METTL24: variants seen among roughly 807,000 people sequenced by gnomAD.
METTL24 encodes the protein methyltransferase like 24.
In METTL24, 29 loss-of-function variants were observed where a neutral mutation model predicts 32.7. The observed-to-expected ratio is 0.89, with a 90% confidence interval of 0.66 to 1.21. METTL24 has a LOEUF of 1.21. Among genes scored for constraint, METTL24 ranks in the 50% most tolerant of loss-of-function variants. The pLI, the probability that METTL24 is intolerant of heterozygous loss-of-function variation, is 0.00. For missense variants in METTL24, 439 were observed against 468.1 expected, an observed-to-expected ratio of 0.94 and a Z score of 0.57; for synonymous variants, 163 against 179.5, an observed-to-expected ratio of 0.91 and a Z score of 0.73.
intron 4 of METTL24, among the ~76,000 whole-genome samples, chr6:110,282,704 T>C (rs1396494307): frequency 1.3e-5 from 2 of 152,096 alleles, no homozygotes; most frequent in African/African-American, 4.8e-5. Context: ...ACCAGAGTAA[T>C]TATAAGAAAC....
At chr6:110,286,491 G>A (rs73763010) in intron 4 of METTL24, among the ~76,000 whole-genome samples, 2 of 152,134 alleles carry the variant, frequency 1.3e-5, no homozygotes, top group East Asian at 3.9e-4. Context: ...TACTGTTTTG[G>A]TTTGTTGTCC....
chr6:110,351,903 C>T (rs1054434229), intron 1 of METTL24, among the ~76,000 whole-genome samples: 7 of 152,306 alleles, frequency 4.6e-5, no homozygotes, highest in African/African-American at 1.7e-4. Flanking sequence ...ATTAACTCTT[C>T]CTCCAATTCA....
At position 110,259,966 on chromosome 6, in the gene METTL24, C is replaced by T. The variant is rs377556386; in HGVS notation, c.787-13706G>A. On this transcript the variant is annotated intron_variant, in intron 4 of 4. Coordinates refer to ENST00000338882, the MANE Select transcript of METTL24 (RefSeq NM_001123364.3). ...CATCCACACCAAAACCCCATCTGTA[C>T]GTCACCATCATCAAAGACCAAAGGT... Among the ~76,000 whole-genome samples, 268 of 152,226 alleles carry T rather than the reference C, an allele frequency of 1.8e-3. 3 individuals carry two copies. Among genetic ancestry groups the T allele is most frequent in the African/African-American group, 5.5e-3 (228 of 41,534 alleles).
intron 4 of METTL24, among the ~76,000 whole-genome samples, chr6:110,259,858 C>G (rs1005154394): frequency 1.3e-5 from 2 of 152,204 alleles, no homozygotes; most frequent in African/African-American, 4.8e-5. Flanking sequence ...CAAACAGGGT[C>G]TGGAGTAGAC....
At chr6:110,333,791 G>A (rs1772155448) in intron 1 of METTL24, among the ~76,000 whole-genome samples, 1 of 152,152 alleles carries the variant, frequency 6.6e-6, no homozygotes, top group Non-Finnish European at 1.5e-5. Context: ...ATACAGCACT[G>A]AGTTGATTTA....
chr6:110,271,476 C>A (rs148315570), intron 4 of METTL24, among the ~76,000 whole-genome samples: 119 of 152,066 alleles, frequency 7.8e-4, no homozygotes, highest in African/African-American at 2.6e-3. Context: ...TAATTAAGAG[C>A]ATACATTTTC....
At chr6:110,293,858 T>A (rs1185843466) in intron 4 of METTL24, among the ~76,000 whole-genome samples, 1 of 151,948 alleles carries the variant, frequency 6.6e-6, no homozygotes, top group Non-Finnish European at 1.5e-5. Flanking sequence ...TGTGAATCTA[T>A]CTCAAAATGT....
intron 4 of METTL24, among the ~76,000 whole-genome samples, chr6:110,294,273 T>G (rs931438396): frequency 3.3e-5 from 5 of 152,026 alleles, no homozygotes; most frequent in Non-Finnish European, 7.4e-5. Flanking sequence ...CATTTGAAAT[T>G]TTTTGAAAAT....
intron 1 of METTL24, among the ~76,000 whole-genome samples, chr6:110,345,369 G>A (rs573940608): frequency 2.6e-5 from 4 of 152,296 alleles, no homozygotes; most frequent in South Asian, 2.1e-4. Flanking sequence ...GCAGTGTGGC[G>A]ATTCCTCAAA....
intron 2 of METTL24, among the ~76,000 whole-genome samples, chr6:110,316,703 C>G (rs1169015214): frequency 2.0e-5 from 3 of 152,174 alleles, no homozygotes; most frequent in African/African-American, 7.2e-5. Flanking sequence ...CGAGACCAGT[C>G]TGGGCAACAT....
chr6:110,246,193 T>C lies in METTL24; in HGVS notation c.854A>G (p.Asp285Gly), dbSNP rs1487486730. 2.5e-6 allele frequency: 4 copies of C among 1,613,990 alleles called. No homozygotes were observed. Among genetic ancestry groups the C allele is most frequent in the Non-Finnish European group, 3.4e-6 (4 of 1,180,014 alleles). Residue 285 changes from aspartate to glycine, a missense_variant, in exon 5 of 5, where the codon GAT becomes GGT. By Grantham distance (94) the Asp-to-Gly change is moderately conservative. Transcript: ENST00000338882. ...WKVLENLILE[D>G]VLEQIGQLIF... is the part of the protein sequence containing the mutation. ...GAGCTGTCCAATCTGCTCAAGAACATCTTCCAGAATAAGATTTTCCAAAAC... is the reference window on the plus strand; with the variant it reads ...GAGCTGTCCAATCTGCTCAAGAACACCTTCCAGAATAAGATTTTCCAAAAC...
intron 4 of METTL24, among the ~76,000 whole-genome samples, chr6:110,259,847 G>A (rs1432671226): frequency 1.3e-5 from 2 of 152,152 alleles, no homozygotes; most frequent in African/African-American, 4.8e-5. Context: ...GGATACCCAG[G>A]CAAACAGGGT....
At chr6:110,270,590 G>C (rs373691484) in intron 4 of METTL24, among the ~76,000 whole-genome samples, 10 of 152,208 alleles carry the variant, frequency 6.6e-5, no homozygotes, top group African/African-American at 2.4e-4. Flanking sequence ...TAGTTACATA[G>C]AATGAGAATT....
intron 2 of METTL24, 89 bp downstream of exon 2, chr6:110,322,685 G>T (rs1005278967): frequency 9.3e-7 from 1 of 1,076,936 alleles, no homozygotes; most frequent in Non-Finnish European, 1.4e-6. Flanking sequence ...ATCAGGAGTC[G>T]CTGAGAACCT....
chr6:110,255,931 A>G (rs954357463), intron 4 of METTL24, among the ~76,000 whole-genome samples: 1 of 152,162 alleles, frequency 6.6e-6, no homozygotes, highest in African/African-American at 2.4e-5. Context: ...AAGAAAGAAA[A>G]AAAAACAGCC....
chr6:110,298,336 C>T (rs1281009464), intron 4 of METTL24, among the ~76,000 whole-genome samples: 1 of 152,184 alleles, frequency 6.6e-6, no homozygotes, highest in Non-Finnish European at 1.5e-5. Context: ...TTCTTTTTTG[C>T]TGTCCATTCA....
intron 4 of METTL24, among the ~76,000 whole-genome samples, chr6:110,283,461 C>T (rs147668669): frequency 4.5e-4 from 68 of 152,276 alleles, no homozygotes; most frequent in African/African-American, 1.5e-3. Flanking sequence ...CTCCCCAGAG[C>T]CATTCTATAG....
intron 4 of METTL24, among the ~76,000 whole-genome samples, chr6:110,271,335 G>A (rs143247876): frequency 2.6e-5 from 4 of 151,900 alleles, no homozygotes; most frequent in Admixed American, 6.6e-5. Context: ...TCGCTCTGTC[G>A]CCCAGGCTGG....
At chr6:110,285,433 C>T (rs1312817599) in intron 4 of METTL24, among the ~76,000 whole-genome samples, 2 of 152,118 alleles carry the variant, frequency 1.3e-5, no homozygotes, top group African/African-American at 4.8e-5. Context: ...ATCGCCTTTT[C>T]CCAAGCACCT....
Sources: gnomAD v4.1 joint callset for allele counts (sites outside exome capture counted in the v4.1 genomes callset) on GRCh38, gnomAD v4.1.1 for gene constraint, MANE v1.5 for transcripts, NCBI Gene and HGNC (gene_info 2026-07-23, HGNC 2026-07-21) for gene names.